Variants in ATP6V1B1 observed in about 807,000 individuals in gnomAD.
The protein encoded by ATP6V1B1 is ATPase H+ transporting V1 subunit B1.
In ATP6V1B1, 41 loss-of-function variants were observed where a neutral mutation model predicts 62.1. The ratio of observed to expected loss-of-function variants is 0.66; its 90% CI spans 0.51 to 0.86. The LOEUF is 0.86. ATP6V1B1 is among the 40% of genes least tolerant of loss of function. The pLI is 0.00. For synonymous variants in ATP6V1B1, 253 were observed against 273.4 expected, an observed-to-expected ratio of 0.93 and a Z score of 0.74; for missense variants, 651 against 697.5, an observed-to-expected ratio of 0.93 and a Z score of 0.75.
At chr2:70,938,420 C>A in intron 1 of ATP6V1B1, 2 of 449,696 alleles carry the variant, frequency 4.4e-6, no homozygotes, top group Non-Finnish European at 2.9e-6. Flanking sequence ...GTAAGCACTC[C>A]CAGACAGGAG....
At chr2:70,964,671 G>A (rs1553420735) in intron 12 of ATP6V1B1, 65 bp from the exon 13 acceptor site, 1 of 1,612,632 alleles carries the variant, frequency 6.2e-7, no homozygotes, top group African/African-American at 1.3e-5. Flanking sequence ...GTGTGGCCAG[G>A]TTGGGGGCTA....
In ATP6V1B1 at chr2:70,963,056, C is replaced by A. The variant is rs1178629864; in HGVS notation, c.910-106C>A. On this transcript the variant is annotated intron_variant, in intron 9 of 13. Coordinates refer to ENST00000234396, the MANE Select transcript of ATP6V1B1 (RefSeq NM_001692.4). The surrounding 1 kb of genome is among the most constrained non-coding windows in gnomAD (Gnocchi z 4.3). ...TTGGTCTCAGCCTGGCCATTCCTCC[C>A]CTGCCCCCCACTCCATTTCTCACAG... 1.4e-5 allele frequency: 23 copies of A among 1,601,274 alleles called. No individual in the cohort carries two copies. Among genetic ancestry groups the A allele is most frequent in the Non-Finnish European group, 1.9e-5 (22 of 1,172,598 alleles).
chr2:70,961,911 T>C (rs1344284184), intron 8 of ATP6V1B1: 1 of 601,430 alleles, frequency 1.7e-6, no homozygotes, highest in African/African-American at 1.8e-5. Context: ...CTGCTGCCTG[T>C]GCCCTCTGCT....
intron 1 of ATP6V1B1, chr2:70,943,346 G>A: frequency 1.8e-6 from 1 of 553,564 alleles, no homozygotes; most frequent in Non-Finnish European, 3.3e-6. Flanking sequence ...TGAGGTGGGG[G>A]TTGAAGCCAG....
Position 70,963,653 on chromosome 2 carries a change from A to C in ATP6V1B1, c.1142A>C (p.Gln381Pro). ...IYVDRQLHNR[Q>P]IYPPINVLPS... Reference sequence around the variant, plus strand: ...GTGGACAGACAGCTTCACAACAGACAGGTACTGCCCTGTCCCTACCCACTT... The same window carrying C: ...GTGGACAGACAGCTTCACAACAGACCGGTACTGCCCTGTCCCTACCCACTT... The change falls in exon 11 of 14, where the codon CAG becomes CCG. Residue 381 changes from glutamine to proline, a missense_variant and splice_region_variant. Gln to Pro is a moderately conservative substitution (Grantham distance 76, BLOSUM62 -1). Transcript: ENST00000234396. The surrounding 1 kb of genome is among the most constrained non-coding windows in gnomAD (Gnocchi z 4.3). 1 of 1,613,820 alleles carries C rather than the reference A, an allele frequency of 6.2e-7. No individual in the cohort carries two copies. Among genetic ancestry groups the C allele is most frequent in the Non-Finnish European group, 8.5e-7 (1 of 1,179,680 alleles).
intron 11 of ATP6V1B1, chr2:70,964,114 A>ATTGTTTTTTTTTTTTTTT (rs1680655720): frequency 8.2e-6 from 1 of 121,306 alleles, no homozygotes; most frequent in African/African-American, 5.9e-5. Flanking sequence ...CTTGGCAGGT[A>ATTGTTTTTTTTTTTTTTT]TTTTTTTTTT....
intron 7 of ATP6V1B1, 146 bp downstream of exon 7, chr2:70,961,168 G>A (rs1289955051): frequency 1.6e-5 from 13 of 831,178 alleles, no homozygotes; most frequent in Non-Finnish European, 2.2e-5. Context: ...AGTGACCACG[G>A]CCATGTGTCC....
At chr2:70,961,179 C>A in intron 7 of ATP6V1B1, 157 bp downstream of exon 7, 1 of 789,096 alleles carries the variant, frequency 1.3e-6, no homozygotes, top group East Asian at 2.7e-5. Flanking sequence ...CCATGTGTCC[C>A]TCAGGGTGTC....
chr2:70,948,034 C>T (rs1367609737), intron 2 of ATP6V1B1, among the ~76,000 whole-genome samples: 2 of 152,114 alleles, frequency 1.3e-5, no homozygotes, highest in Admixed American at 1.3e-4. Context: ...TGGGGCTCTT[C>T]CTAAAGGTTC....
intron 1 of ATP6V1B1, 122 bp from the exon 2 acceptor site, chr2:70,943,536 T>C: frequency 9.4e-7 from 1 of 1,060,768 alleles, no homozygotes; most frequent in Non-Finnish European, 1.4e-6. Context: ...CTAATGACCC[T>C]GACGGCCCAG....
At chr2:70,950,527 ATT>A (rs1680299319) in intron 2 of ATP6V1B1, among the ~76,000 whole-genome samples, 1 of 151,514 alleles carries the variant, frequency 6.6e-6, no homozygotes, top group Non-Finnish European at 1.5e-5. Context: ...ATTTCTAGCT[ATT>A]TTATGAGTTT....
rs1680686396 is a variant in ATP6V1B1 at position 70,964,973 on chromosome 2, G to GAA, written c.1394_1395insAA (p.Ser466ThrfsTer22). The GAA allele has an allele frequency of 1.2e-6, 2 of 1,613,794 alleles. No individual in the cohort carries two copies. The highest frequency in any genetic ancestry group is 2.7e-5 in the African/African-American group (2 of 74,904). On this transcript the variant is annotated frameshift_variant, in exon 14 of 14. Coordinates refer to ENST00000234396, the MANE Select transcript of ATP6V1B1 (RefSeq NM_001692.4). LOFTEE classifies it high-confidence loss of function. ...CTGTCCCTAGGCCCCTACGAGAACC[G>GAA]CTCGGTGTTCGAGTCGCTGGACCTG...
chr2:70,943,342 G>T (rs1324074011), intron 1 of ATP6V1B1: 1 of 548,186 alleles, frequency 1.8e-6, no homozygotes, highest in Non-Finnish European at 3.3e-6. Context: ...TGGGTGAGGT[G>T]GGGGTTGAAG....
chr2:70,964,928 T>G, intron 13 of ATP6V1B1, 30 bp from the exon 14 acceptor site: 1 of 1,613,840 alleles, frequency 6.2e-7, no homozygotes, highest in Non-Finnish European at 8.5e-7. Flanking sequence ...CCACACACAT[T>G]CCTAACACTC....
intron 2 of ATP6V1B1, among the ~76,000 whole-genome samples, chr2:70,944,570 C>T (rs1553416986): frequency 6.6e-6 from 1 of 152,104 alleles, no homozygotes; most frequent in East Asian, 1.9e-4. Flanking sequence ...CCCAGCCTGG[C>T]ACCCTCCTAT....
At position 70,959,345 on chromosome 2, in the gene ATP6V1B1, TC is replaced by T. The variant is rs782630765; in HGVS notation, c.445+252del. ...GGCCATCATGCCCCTGCCTTTGGCTTCCTGTCCACAATCCTGAGAATGGGCT... is the reference window on the plus strand; with the variant it reads ...GGCCATCATGCCCCTGCCTTTGGCTTCTGTCCACAATCCTGAGAATGGGCT... On this transcript the variant is annotated intron_variant, in intron 5 of 13. Transcript: ENST00000234396. The surrounding 1 kb of genome is among the most constrained non-coding windows in gnomAD (Gnocchi z 4.2). 9.2e-5 allele frequency among the ~76,000 whole-genome samples: 14 copies of T among 152,246 alleles called. No individual in the cohort carries two copies. The highest frequency in any genetic ancestry group is 2.1e-4 in the Non-Finnish European group (14 of 68,040).
chr2:70,952,109 T>A (rs1680335224), intron 2 of ATP6V1B1, among the ~76,000 whole-genome samples: 1 of 152,156 alleles, frequency 6.6e-6, no homozygotes, highest in African/African-American at 2.4e-5. Context: ...TGGTTTTGGT[T>A]AATAGTTTAG....
At chr2:70,958,617 G>A (rs1370776910) in intron 4 of ATP6V1B1, among the ~76,000 whole-genome samples, 191 bp downstream of exon 4, 1 of 152,200 alleles carries the variant, frequency 6.6e-6, no homozygotes, top group Non-Finnish European at 1.5e-5. Context: ...TGACATACAG[G>A]TGTTCAATAA....
chr2:70,955,989 G>A (rs1680423699), intron 2 of ATP6V1B1: 2 of 172,718 alleles, frequency 1.2e-5, no homozygotes. Context: ...TGTTACTGTA[G>A]TGAAACTTGT....
Sources: allele counts gnomAD v4.1 joint callset (sites outside exome capture counted in the v4.1 genomes callset), GRCh38; gene constraint gnomAD v4.1.1; non-coding constraint Gnocchi (gnomAD v3.1); transcripts MANE v1.5; gene names NCBI Gene and HGNC (gene_info 2026-07-23, HGNC 2026-07-21).